UNC5A: variants seen among roughly 807,000 people sequenced by gnomAD.
The protein encoded by UNC5A is unc-5 netrin receptor A.
In UNC5A, 20 loss-of-function variants were observed where a neutral mutation model predicts 87.4. The ratio of observed to expected loss-of-function variants is 0.23; its 90% CI spans 0.16 to 0.33. UNC5A has a LOEUF of 0.33. UNC5A is among the 10% of genes least tolerant of loss of function. UNC5A has a pLI of 1.00. For missense variants in UNC5A, 844 were observed against 1,133.4 expected, an observed-to-expected ratio of 0.74 and a Z score of 3.67; for synonymous variants, 438 against 482.3, an observed-to-expected ratio of 0.91 and a Z score of 1.20.
In UNC5A at chr5:176,866,762, C is replaced by T. The variant is rs1355255061; in HGVS notation, c.293-1368C>T. On this transcript the variant is annotated intron_variant, in intron 2 of 14. Transcript: ENST00000329542. The surrounding 1 kb of genome is among the most constrained non-coding windows in gnomAD (Gnocchi z 5.0). The stretch of plus-strand genomic sequence containing the variant: ...TATACAAGGACCCTGTGAGCCACCC[C>T]CTCGTTCTCAGCCTGCCCACCCCAC... Among the ~76,000 whole-genome samples the T allele has an allele frequency of 6.6e-6, 1 of 152,178 alleles. No homozygotes were observed. The highest frequency in any genetic ancestry group is 1.9e-4 in the East Asian group (1 of 5,186).
In UNC5A at chr5:176,863,060, C is replaced by A. The variant is rs572826117; in HGVS notation, c.292+215C>A. Among the ~76,000 whole-genome samples, 19 of 152,326 alleles carry A rather than the reference C, an allele frequency of 1.2e-4. No individual in the cohort carries two copies. In the South Asian group the frequency reaches 3.9e-3, roughly 32 times the overall value. On this transcript the variant is annotated intron_variant, in intron 2 of 14. Transcript: ENST00000329542. Reference sequence around the variant, plus strand: ...AGACCTCACATTCAGTGATTGTTTTCTTTGTGCGTCGGTTCATTCGATCAG... The same window carrying A: ...AGACCTCACATTCAGTGATTGTTTTATTTGTGCGTCGGTTCATTCGATCAG...
rs1353196459 is a variant in UNC5A, at chr5:176,850,028, G to A, written c.71-12596G>A. 2.0e-5 allele frequency among the ~76,000 whole-genome samples: 3 copies of A among 152,242 alleles called. No individual in the cohort carries two copies. The East Asian group carries it at 5.8e-4, about 29-fold the overall frequency. On this transcript the variant is annotated intron_variant, in intron 1 of 14. Transcript: ENST00000329542. The stretch of plus-strand genomic sequence containing the variant: ...CTGGAGGGTGCACAGGCTGACAGCG[G>A]AGGCAGGTGCCTGCACAGCCAGCCC...
In UNC5A at chr5:176,874,172, C is replaced by T. The variant is rs1758200700; in HGVS notation, c.1075+16C>T. 40 of 1,610,264 alleles carry T rather than the reference C, an allele frequency of 2.5e-5. No individual in the cohort carries two copies. Among genetic ancestry groups the T allele is most frequent in the African/African-American group, 2.1e-4 (16 of 74,972 alleles). On this transcript the variant is annotated intron_variant, in intron 7 of 14. Transcript: ENST00000329542. The surrounding 1 kb of genome is among the most constrained non-coding windows in gnomAD (Gnocchi z 7.6). ...AGCAAAGCAGGTGAGGGGCCCCGTG[C>T]CCCCAGCACTCCTGCCCCAGCTCCC...
chr5:176,878,634 A>C lies in UNC5A; in HGVS notation c.2179A>C (p.Thr727Pro). The change falls in exon 13 of 15, where the codon ACC becomes CCC. Residue 727 changes from threonine (T) to proline (P), a missense_variant. Transcript: ENST00000329542. ...GQSFSINFNI[T>P]KDTRFAELLA... ...GAGCTTCAGCATCAACTTCAACATC[A>C]CCAAGGTGGACGGGAGGGGCTGCCG... is the stretch of plus-strand genomic sequence containing the variant. 6.2e-7 allele frequency: 1 copy of C among 1,610,126 alleles called. No homozygotes were observed. Among genetic ancestry groups the C allele is most frequent in the Non-Finnish European group, 8.5e-7 (1 of 1,178,228 alleles).
intron 1 of UNC5A, among the ~76,000 whole-genome samples, chr5:176,823,047 C>T (rs762392093): frequency 6.6e-6 from 1 of 151,922 alleles, no homozygotes; most frequent in Admixed American, 6.5e-5. Context: ...GGGAGGCTGC[C>T]GTGGTCATCC....
intron 1 of UNC5A, among the ~76,000 whole-genome samples, chr5:176,829,666 A>T (rs1244335253): frequency 2.0e-5 from 3 of 152,018 alleles, no homozygotes; most frequent in African/African-American, 7.3e-5. Flanking sequence ...GGATGGATGG[A>T]TCAATGGGAG....
Position 176,868,616 on chromosome 5 carries a change from G to A in UNC5A, c.492G>A (p.Gln164=), listed in dbSNP as rs1310694615. The A allele has an allele frequency of 5.0e-6, 8 of 1,606,918 alleles. No homozygotes were observed. Among genetic ancestry groups the A allele is most frequent in the Non-Finnish European group, 6.8e-6 (8 of 1,177,462 alleles). ...EPLAKEVSLE[Q]GIVLPCRPPE... ...TGGCCAAGGAGGTGTCCCTGGAGCA[G>A]GGCATCGTGCTGCCCTGCCGTCCAC... The change falls in exon 4 of 15, where the codon CAG becomes CAA. Residue 164 remains glutamine, a synonymous_variant. Transcript: ENST00000329542.
chr5:176,826,298 TG>T (rs1756851401), intron 1 of UNC5A, among the ~76,000 whole-genome samples: 4 of 152,252 alleles, frequency 2.6e-5, no homozygotes, highest in Admixed American at 2.6e-4. Flanking sequence ...TGACTGGGCC[TG>T]GGCTATCATG....
intron 13 of UNC5A, among the ~76,000 whole-genome samples, chr5:176,878,862 G>A (rs692011): frequency 0.018 from 2,700 of 152,312 alleles, 26 homozygotes; most frequent in Non-Finnish European, 0.028. Flanking sequence ...AGGGGACATG[G>A]GAGCAGCAGG....
At chr5:176,842,090 G>A (rs572063277) in intron 1 of UNC5A, among the ~76,000 whole-genome samples, 9 of 152,304 alleles carry the variant, frequency 5.9e-5, no homozygotes, top group Non-Finnish European at 7.4e-5. Context: ...CCAGCTACTC[G>A]GGAGGCTGAG....
chr5:176,851,277 G>A (rs372583324), intron 1 of UNC5A, among the ~76,000 whole-genome samples: 93 of 152,282 alleles, frequency 6.1e-4, no homozygotes, highest in African/African-American at 2.1e-3. Flanking sequence ...CATGGCTGTC[G>A]TTGCTGTGAC....
At chr5:176,826,667 G>A (rs1222166004) in intron 1 of UNC5A, among the ~76,000 whole-genome samples, 2 of 116,870 alleles carry the variant, frequency 1.7e-5, no homozygotes, top group Non-Finnish European at 3.3e-5. Flanking sequence ...TTTTGAGACA[G>A]TCTTGCTCTG....
chr5:176,872,888 T>C (rs1322162717), intron 6 of UNC5A, among the ~76,000 whole-genome samples: 13 of 57,034 alleles, frequency 2.3e-4, no homozygotes, highest in East Asian at 5.9e-4. Context: ...TGCCCACACC[T>C]GCCCCAACAC....
chr5:176,878,022 T>C lies in UNC5A; in HGVS notation c.1764T>C (p.Ala588=), dbSNP rs747716026. Residue 588 remains alanine (A), a synonymous_variant, in exon 11 of 15, where the codon GCT becomes GCC. Transcript: ENST00000329542. The part of the protein sequence containing the change: ...FALVGEALSV[A]AAKRLKLLLF... Reference sequence around the variant, plus strand: ...TGGTGGGAGAGGCCCTCAGCGTGGCTGCCGCCAAGCGCCTCAAGCTGCTTC... The same window carrying C: ...TGGTGGGAGAGGCCCTCAGCGTGGCCGCCGCCAAGCGCCTCAAGCTGCTTC... The C allele has an allele frequency of 1.2e-6, 2 of 1,608,162 alleles. No individual in the cohort carries two copies. The highest frequency in any genetic ancestry group is 2.2e-5 in the South Asian group (2 of 91,088).
chr5:176,843,712 T>G (rs1306579438), intron 1 of UNC5A, among the ~76,000 whole-genome samples: 1 of 152,252 alleles, frequency 6.6e-6, no homozygotes, highest in Non-Finnish European at 1.5e-5. Flanking sequence ...GGTGGCTTGT[T>G]TGCATCCCTG....
At chr5:176,850,780 G>A (rs1269033336) in intron 1 of UNC5A, among the ~76,000 whole-genome samples, 3 of 152,148 alleles carry the variant, frequency 2.0e-5, no homozygotes, top group Non-Finnish European at 2.9e-5. Flanking sequence ...GGGTCCAAGC[G>A]GGCTCATCTG....
rs1425135369 is a variant in UNC5A, at chr5:176,877,482, C to T, written c.1467-53C>T. On this transcript the variant is annotated intron_variant, in intron 9 of 14. Coordinates refer to ENST00000329542, the MANE Select transcript of UNC5A (RefSeq NM_133369.3). ...CTGCCCTTGGCCTAGCCCTCAGGAC[C>T]CAGGATGGGCCACTGACACCTTTCC... is the stretch of plus-strand genomic sequence containing the variant. The T allele has an allele frequency of 3.9e-6, 6 of 1,544,374 alleles. No homozygotes were observed. In the African/African-American group the frequency reaches 5.4e-5, roughly 14 times the overall value.
rs1327965028 is a variant in UNC5A, at chr5:176,838,856, G to A, written c.71-23768G>A. Among the ~76,000 whole-genome samples the A allele has an allele frequency of 6.6e-6, 1 of 152,250 alleles. No individual in the cohort carries two copies. Among genetic ancestry groups the A allele is most frequent in the African/African-American group, 2.4e-5 (1 of 41,466 alleles). On this transcript the variant is annotated intron_variant, in intron 1 of 14. Transcript: ENST00000329542. This position sits in a 1 kb window ranked among gnomAD's most constrained non-coding sequence, Gnocchi z 4.2. ...TCTCAAACCAATCACCAGAGCCAGG[G>A]CAGGAGATAGCATTGGTTTAAGCCA...
At chr5:176,825,865 T>C (rs1022124547) in intron 1 of UNC5A, among the ~76,000 whole-genome samples, 6 of 152,194 alleles carry the variant, frequency 3.9e-5, no homozygotes, top group African/African-American at 1.4e-4. Context: ...ATTGAGCACC[T>C]GCTGGCGCCA....
Sources: allele counts gnomAD v4.1 joint callset (sites outside exome capture counted in the v4.1 genomes callset), GRCh38; gene constraint gnomAD v4.1.1; non-coding constraint Gnocchi (gnomAD v3.1); transcripts MANE v1.5; gene names NCBI Gene and HGNC (gene_info 2026-07-23, HGNC 2026-07-21).